The following FOCAD variants were observed in gnomAD, a reference collection of about 807,000 sequenced individuals.
FOCAD encodes KIAA1797.
In FOCAD, 198 loss-of-function variants were observed where a neutral mutation model predicts 225.6. The ratio of observed to expected loss-of-function variants is 0.88; its 90% CI spans 0.78 to 0.99. The LOEUF (loss-of-function observed/expected upper bound fraction) is 0.99. FOCAD is among the 50% of genes least tolerant of loss of function. FOCAD has a pLI of 0.00. For missense variants in FOCAD, 2,713 were observed against 2,123.6 expected, an observed-to-expected ratio of 1.28 and a Z score of -5.46; for synonymous variants, 897 against 755.0, an observed-to-expected ratio of 1.19 and a Z score of -3.08.
intron 6 of FOCAD, among the ~76,000 whole-genome samples, chr9:20,758,619 G>T (rs183591512): frequency 6.3e-4 from 94 of 148,680 alleles, no homozygotes; most frequent in African/African-American, 2.1e-3. Flanking sequence ...TGCGGTGTTT[G>T]GTTTTTTGTT....
chr9:20,926,850 G>A (rs1344002985), intron 26 of FOCAD, among the ~76,000 whole-genome samples: 1 of 150,876 alleles, frequency 6.6e-6, no homozygotes, highest in Non-Finnish European at 1.5e-5. Context: ...TCTCAGCCCT[G>A]GCTATTTGTT....
intron 2 of FOCAD, among the ~76,000 whole-genome samples, chr9:20,672,977 C>A (rs1205067688): frequency 1.3e-5 from 2 of 152,074 alleles, no homozygotes; most frequent in Non-Finnish European, 2.9e-5. Flanking sequence ...AATTTGTATT[C>A]ATTTTGGAAG....
intron 6 of FOCAD, among the ~76,000 whole-genome samples, chr9:20,762,027 C>T (rs187881628): frequency 3.3e-5 from 5 of 152,230 alleles, no homozygotes; most frequent in East Asian, 3.9e-4. Context: ...GGAAGTTCAA[C>T]GTTTGCTCCT....
At chr9:20,967,257 A>G (rs1839348526) in intron 35 of FOCAD, among the ~76,000 whole-genome samples, 1 of 152,060 alleles carries the variant, frequency 6.6e-6, no homozygotes, top group Admixed American at 6.6e-5. Flanking sequence ...CTATTCCCAG[A>G]TATTTCATTC....
rs115205297 is a variant in FOCAD, at chr9:20,866,183, A to G, written c.2106+207A>G. Among the ~76,000 whole-genome samples the G allele has an allele frequency of 2.1e-3, 319 of 152,162 alleles. 1 individual carries two copies. Among genetic ancestry groups the G allele is most frequent in the African/African-American group, 7.3e-3 (302 of 41,562 alleles). On this transcript the variant is annotated intron_variant, in intron 17 of 43. Transcript: ENST00000338382. ...TTAATACATTTTTACCATAAAGTGC[A>G]CTTAATACTTGGTGAATCTGACAGA...
intron 6 of FOCAD, among the ~76,000 whole-genome samples, chr9:20,761,820 A>G (rs1333716601): frequency 6.6e-6 from 1 of 152,188 alleles, no homozygotes; most frequent in Non-Finnish European, 1.5e-5. Flanking sequence ...AGGTACATAC[A>G]TAATTGGTTA....
At chr9:20,672,493 C>T (rs1222530741) in intron 2 of FOCAD, among the ~76,000 whole-genome samples, 2 of 152,188 alleles carry the variant, frequency 1.3e-5, no homozygotes, top group Admixed American at 6.5e-5. Flanking sequence ...CTCTGTCGCC[C>T]AGGCTGGAGT....
chr9:20,842,342 G>A (rs986874395), intron 15 of FOCAD, among the ~76,000 whole-genome samples: 2 of 151,756 alleles, frequency 1.3e-5, no homozygotes, highest in African/African-American at 4.8e-5. Flanking sequence ...GTGGGGTGTT[G>A]ATGTCTGCAG....
chr9:20,791,810 A>G (rs1820568138), intron 11 of FOCAD, among the ~76,000 whole-genome samples: 1 of 152,178 alleles, frequency 6.6e-6, no homozygotes, highest in Non-Finnish European at 1.5e-5. Context: ...TTCATGTGGA[A>G]TGGGGTGAGA....
intron 1 of FOCAD, among the ~76,000 whole-genome samples, chr9:20,713,490 A>G (rs1586919205): frequency 6.6e-6 from 1 of 152,196 alleles, no homozygotes; most frequent in Non-Finnish European, 1.5e-5. Flanking sequence ...CACTTCTCCC[A>G]TTTCTCATCT....
intron 35 of FOCAD, among the ~76,000 whole-genome samples, chr9:20,955,496 A>G (rs377547454): frequency 2.0e-5 from 3 of 149,062 alleles, no homozygotes; most frequent in South Asian, 4.3e-4. Flanking sequence ...AAATAATTCA[A>G]TTCATGGTTT....
intron 23 of FOCAD, among the ~76,000 whole-genome samples, chr9:20,915,846 G>A (rs1466182283): frequency 1.3e-5 from 2 of 152,156 alleles, no homozygotes; most frequent in Non-Finnish European, 2.9e-5. Flanking sequence ...GACCTTAAAT[G>A]TAAGTATACA....
chr9:20,888,270 C>A lies in FOCAD; in HGVS notation c.2625+3040C>A, dbSNP rs560070349. Among the ~76,000 whole-genome samples the A allele has an allele frequency of 4.6e-5, 7 of 151,652 alleles. No individual in the cohort carries two copies. In the East Asian group the frequency reaches 7.8e-4, roughly 17 times the overall value. On this transcript the variant is annotated intron_variant, in intron 21 of 43. Transcript: ENST00000338382. ...TCTCCCACCTCAGTCTCCTAAATAG[C>A]TGGGATTGCAGGTGTGCACCACCAT...
chr9:20,826,687 T>G (rs1252800518), intron 15 of FOCAD, among the ~76,000 whole-genome samples: 4 of 152,106 alleles, frequency 2.6e-5, no homozygotes, highest in Admixed American at 2.0e-4. Context: ...GTTGTAGGAC[T>G]TCATTTTATA....
At chr9:20,822,084 G>T (rs2131427341) in intron 14 of FOCAD, among the ~76,000 whole-genome samples, 1 of 148,652 alleles carries the variant, frequency 6.7e-6, no homozygotes, top group East Asian at 2.0e-4. Context: ...TATTGGCATG[G>T]AAAAAAATTC....
At chr9:20,717,896 C>G (rs769752089) in intron 3 of FOCAD, 28 bp downstream of exon 3, 2 of 1,566,484 alleles carry the variant, frequency 1.3e-6, no homozygotes, top group African/African-American at 1.3e-5. Context: ...TGCTTTAATT[C>G]TCTTCAGATA....
rs1824179325 is a variant in FOCAD, at chr9:20,820,321, T to G, written c.1561-3T>G. ...CAACTAGAGTTTCTTCAATATTTTC[T>G]AGGTGTGTATAGGACAAATTCTACG... On this transcript the variant is annotated splice_polypyrimidine_tract_variant and splice_region_variant and intron_variant, in intron 12 of 43. Transcript: ENST00000338382. 2 of 1,600,902 alleles carry G rather than the reference T, an allele frequency of 1.2e-6. No homozygotes were observed. Among genetic ancestry groups the G allele is most frequent in the Non-Finnish European group, 1.7e-6 (2 of 1,173,482 alleles).
chr9:20,932,943 T>A, intron 27 of FOCAD, 71 bp from the exon 28 acceptor site: 1 of 1,080,912 alleles, frequency 9.3e-7, no homozygotes, highest in Non-Finnish European at 1.4e-6. Context: ...GAGAGTATAA[T>A]ATTGTATTCA....
intron 6 of FOCAD, among the ~76,000 whole-genome samples, chr9:20,764,471 C>G (rs144346314): frequency 1.3e-5 from 2 of 152,214 alleles, no homozygotes; most frequent in African/African-American, 4.8e-5. Flanking sequence ...CCAGGATGGT[C>G]TCTATCTCCT....
Sources: gnomAD v4.1 joint callset for allele counts (sites outside exome capture counted in the v4.1 genomes callset) on GRCh38, gnomAD v4.1.1 for gene constraint, MANE v1.5 for transcripts, NCBI Gene and HGNC (gene_info 2026-07-23, HGNC 2026-07-21) for gene names.